The following SLC7A14 variants were observed in gnomAD, a reference collection of about 807,000 sequenced individuals.
The protein encoded by SLC7A14 is solute carrier family 7 member 14.
In SLC7A14, 37 loss-of-function variants were observed where a neutral mutation model predicts 60.2. That is an observed-to-expected ratio of 0.61 (90% CI 0.47 to 0.81). The LOEUF (loss-of-function observed/expected upper bound fraction) is 0.81. SLC7A14 is among the 30% of genes least tolerant of loss of function. The pLI, the probability that SLC7A14 is intolerant of heterozygous loss-of-function variation, is 0.00. For synonymous variants in SLC7A14, 399 were observed against 395.8 expected, an observed-to-expected ratio of 1.01 and a Z score of -0.10; for missense variants, 886 against 982.7, an observed-to-expected ratio of 0.90 and a Z score of 1.32.
intron 1 of SLC7A14, among the ~76,000 whole-genome samples, chr3:170,584,173 T>A (rs1715310899): frequency 6.6e-6 from 1 of 152,186 alleles, no homozygotes. Flanking sequence ...CCAAATTGGC[T>A]CAATCCTTTC....
At chr3:170,497,102 A>AG (rs1712428394) in intron 4 of SLC7A14, among the ~76,000 whole-genome samples, 1 of 147,824 alleles carries the variant, frequency 6.8e-6, no homozygotes, top group African/African-American at 2.5e-5. Context: ...AAAAAAAAAA[A>AG]AAAAAAAAGA....
intron 5 of SLC7A14, among the ~76,000 whole-genome samples, chr3:170,485,435 C>T (rs375893196): frequency 9.8e-5 from 15 of 152,308 alleles, no homozygotes; most frequent in South Asian, 4.1e-4. Context: ...CAAGTGAGTG[C>T]GCCCCTCAGG....
At chr3:170,539,117 G>A (rs1343132285) in intron 1 of SLC7A14, among the ~76,000 whole-genome samples, 1 of 151,966 alleles carries the variant, frequency 6.6e-6, no homozygotes, top group Non-Finnish European at 1.5e-5. Context: ...ATGTCCTCCA[G>A]GGCCCTACAT....
chr3:170,505,112 T>G (rs185055954), intron 2 of SLC7A14, among the ~76,000 whole-genome samples: 44 of 152,310 alleles, frequency 2.9e-4, no homozygotes, highest in Middle Eastern at 3.4e-3. Flanking sequence ...TTTTTTTTTT[T>G]GCATGGCTTT....
intron 1 of SLC7A14, among the ~76,000 whole-genome samples, chr3:170,579,169 G>A (rs1027602554): frequency 2.6e-5 from 4 of 152,140 alleles, no homozygotes; most frequent in African/African-American, 9.7e-5. Flanking sequence ...ATGCAGAGTG[G>A]GTTCTATAAT....
intron 1 of SLC7A14, among the ~76,000 whole-genome samples, chr3:170,549,214 C>CTTTT (rs113114531): frequency 2.7e-4 from 35 of 129,482 alleles, no homozygotes; most frequent in African/African-American, 5.1e-4. Flanking sequence ...CGGCCTTCTT[C>CTTTT]TTTTTTTTTT....
chr3:170,497,087 C>CAAAAAAAAAAAAAAAAAAAAAAAA (rs548290941), intron 4 of SLC7A14, among the ~76,000 whole-genome samples: 2 of 94,304 alleles, frequency 2.1e-5, no homozygotes, highest in African/African-American at 7.8e-5. Flanking sequence ...TTATTTTGTC[C>CAAAAAAAAAAAAAAAAAAAAAAAA]AAAAAAAAAA....
chr3:170,507,983 A>G (rs1355953881), intron 2 of SLC7A14, among the ~76,000 whole-genome samples: 1 of 152,164 alleles, frequency 6.6e-6, no homozygotes, highest in Admixed American at 6.5e-5. Context: ...TTTATAGATG[A>G]TGCAACTGAG....
Position 170,467,262 on chromosome 3 carries a change from T to C in SLC7A14, c.2109A>G (p.Ser703=), listed in dbSNP as rs1739743477. The C allele has an allele frequency of 1.2e-6, 2 of 1,613,918 alleles. No homozygotes were observed. The highest frequency in any genetic ancestry group is 3.3e-5 in the Admixed American group (2 of 59,994). The change falls in exon 8 of 8, where the codon TCA becomes TCG. Residue 703 remains serine, a synonymous_variant. Transcript: ENST00000231706. ...YQRYDVDDPF[S]VEEGFSYATE... ...TGGCGTAGGAGAAACCCTCCTCCAC[T>C]GAGAAGGGGTCATCCACGTCGTAGC...
At chr3:170,533,223 G>C (rs1713731747) in intron 1 of SLC7A14, among the ~76,000 whole-genome samples, 1 of 152,156 alleles carries the variant, frequency 6.6e-6, no homozygotes. Flanking sequence ...CCATAACTGG[G>C]GATGTGCTTG....
At chr3:170,499,337 T>G (rs11929657) in intron 3 of SLC7A14, among the ~76,000 whole-genome samples, 31,640 of 146,886 alleles carry the variant, frequency 0.22, 5,029 homozygotes, top group African/African-American at 0.45. Context: ...TATGCTATAG[T>G]CCACAAGCAG....
In SLC7A14 at chr3:170,573,517, T is replaced by C. The variant is rs539834002; in HGVS notation, c.-153+12394A>G. On this transcript the variant is annotated intron_variant, in intron 1 of 7. Coordinates refer to ENST00000231706, the MANE Select transcript of SLC7A14 (RefSeq NM_020949.3). ...AGAATTAGGCCCAGGAGTTCAAAGA[T>C]TTGGTAAGGGGCTTTGGACAAGATG... is the stretch of plus-strand genomic sequence containing the variant. 3.3e-5 allele frequency among the ~76,000 whole-genome samples: 5 copies of C among 152,314 alleles called. No homozygotes were observed. In the South Asian group the frequency reaches 8.3e-4, roughly 25 times the overall value.
intron 5 of SLC7A14, among the ~76,000 whole-genome samples, chr3:170,483,873 A>G (rs1198076606): frequency 1.3e-5 from 2 of 152,194 alleles, no homozygotes; most frequent in Non-Finnish European, 2.9e-5. Flanking sequence ...GCTGCAGCCA[A>G]TGCCCTGCAA....
chr3:170,507,572 G>C (rs749166302), intron 2 of SLC7A14, among the ~76,000 whole-genome samples: 32 of 152,148 alleles, frequency 2.1e-4, no homozygotes, highest in Non-Finnish European at 4.1e-4. Context: ...CAGGCGAAAA[G>C]GTGTAGCTGG....
intron 1 of SLC7A14, among the ~76,000 whole-genome samples, chr3:170,567,831 C>A (rs1198371286): frequency 1.3e-5 from 2 of 151,310 alleles, no homozygotes; most frequent in Non-Finnish European, 2.9e-5. Flanking sequence ...CTGTTCATGT[C>A]CTTTGCCCAC....
intron 2 of SLC7A14, among the ~76,000 whole-genome samples, chr3:170,512,653 C>CTTTTTTT (rs1483240298): frequency 1.3e-5 from 1 of 74,726 alleles, no homozygotes; most frequent in East Asian, 3.7e-4. Context: ...GTACAATTTG[C>CTTTTTTT]ATTTTTTTTT....
intron 2 of SLC7A14, among the ~76,000 whole-genome samples, chr3:170,526,294 C>T (rs1446019016): frequency 6.6e-6 from 1 of 150,726 alleles, no homozygotes; most frequent in Admixed American, 6.6e-5. Context: ...CCCAGCTACT[C>T]AGAAGGCTGA....
intron 1 of SLC7A14, among the ~76,000 whole-genome samples, chr3:170,558,436 C>T (rs919893529): frequency 6.6e-6 from 1 of 152,112 alleles, no homozygotes; most frequent in Non-Finnish European, 1.5e-5. Context: ...ACCCCAACAA[C>T]CCAGTTCAGG....
intron 4 of SLC7A14, among the ~76,000 whole-genome samples, chr3:170,490,988 C>T (rs1188154576): frequency 6.6e-6 from 1 of 152,086 alleles, no homozygotes; most frequent in Non-Finnish European, 1.5e-5. Flanking sequence ...AACTCCTCCT[C>T]CTTCTCTCCT....
Sources: allele counts gnomAD v4.1 joint callset (sites outside exome capture counted in the v4.1 genomes callset), GRCh38; gene constraint gnomAD v4.1.1; transcripts MANE v1.5; gene names NCBI Gene and HGNC (gene_info 2026-07-23, HGNC 2026-07-21).